SLC17A1: variants seen among roughly 807,000 people sequenced by gnomAD.
SLC17A1 encodes the protein solute carrier family 17 member 1.
A neutral mutation model predicts 53.5 loss-of-function variants in SLC17A1; 51 were observed. The observed-to-expected ratio is 0.95, with a 90% CI of 0.76 to 1.20. The LOEUF is 1.20. Among genes scored for constraint, SLC17A1 ranks in the 50% most tolerant of loss-of-function variants. SLC17A1 has a pLI of 0.00. For synonymous variants in SLC17A1, 179 were observed against 198.8 expected, an observed-to-expected ratio of 0.90 and a Z score of 0.84; for missense variants, 538 against 568.2, an observed-to-expected ratio of 0.95 and a Z score of 0.54.
chr6:25,754,461 A>AT, the SLC17A1 span, among the ~76,000 whole-genome samples: 1 of 152,180 alleles, frequency 6.6e-6, no homozygotes, highest in African/African-American at 2.4e-5. Context: ...CCAGAAGGGG[A>AT]TAGTGCTGTC....
chr6:25,752,330 A>G, the SLC17A1 span, among the ~76,000 whole-genome samples: 1 of 152,208 alleles, frequency 6.6e-6, no homozygotes, highest in African/African-American at 2.4e-5. Flanking sequence ...GAGAATCTGA[A>G]CATATCTAAA....
chr6:25,830,803 A>C (rs1013907868), intron 1 of SLC17A1, among the ~76,000 whole-genome samples, 196 bp from the exon 2 acceptor site: 3 of 152,234 alleles, frequency 2.0e-5, no homozygotes, highest in Non-Finnish European at 4.4e-5. Flanking sequence ...TTAAAAATAT[A>C]TGGAAGACCT....
chr6:25,745,601 T>C, the SLC17A1 span, among the ~76,000 whole-genome samples: 381 of 152,308 alleles, frequency 2.5e-3, 1 homozygote, highest in African/African-American at 8.1e-3. Context: ...CTAAAAAACA[T>C]AGAGAAAAAG....
chr6:25,733,896 C>T, the SLC17A1 span, among the ~76,000 whole-genome samples: 1 of 151,398 alleles, frequency 6.6e-6, no homozygotes, highest in Non-Finnish European at 1.5e-5. Context: ...CTCATTGCAA[C>T]CTCCACCTCC....
At chr6:25,778,594 C>T (rs1434156071), downstream of SLC17A1, among the ~76,000 whole-genome samples, 2 of 152,134 alleles carry the variant, frequency 1.3e-5, no homozygotes, top group Non-Finnish European at 2.9e-5. Flanking sequence ...GAATGAAACA[C>T]AATTCCTTCC....
At chr6:25,811,361 G>C (rs371535150) in intron 10 of SLC17A1, 37 bp downstream of exon 10, 10 of 1,564,768 alleles carry the variant, frequency 6.4e-6, no homozygotes, top group Non-Finnish European at 8.7e-6. Flanking sequence ...ATATTTATTT[G>C]TTAAAGGTTA....
At chr6:25,727,329 C>T in the SLC17A1 span, 7 of 1,531,364 alleles carry the variant, frequency 4.6e-6, no homozygotes, top group African/African-American at 9.7e-5. Context: ...CCCAAAGGCT[C>T]TTTTCAGAGC....
chr6:25,788,759 G>A (rs1289395688), intron 12 of SLC17A1, among the ~76,000 whole-genome samples: 2 of 152,202 alleles, frequency 1.3e-5, no homozygotes, highest in Non-Finnish European at 2.9e-5. Context: ...GAGGGGTGTA[G>A]GCCTGGGAAA....
the SLC17A1 span, among the ~76,000 whole-genome samples, chr6:25,747,455 G>A: frequency 8.5e-5 from 13 of 152,316 alleles, no homozygotes; most frequent in African/African-American, 3.1e-4. Context: ...ACTCTAGGAT[G>A]TCAGTAAATC....
In SLC17A1 at chr6:25,798,876, G is replaced by A. The variant is rs1051517672; in HGVS notation, c.1313C>T (p.Ala438Val). Residue 438 changes from alanine (A) to valine (V), a missense_variant, in exon 12 of 13, where the codon GCC becomes GTC. By Grantham distance (64) the Ala-to-Val change is moderately conservative (BLOSUM62 0). Coordinates refer to ENST00000244527, the MANE Select transcript of SLC17A1 (RefSeq NM_005074.5). ...GAAAATTAGGCCAGTCACATTAATGGCTGCCATCAGGATGAAGGTTTTAAA... is the reference window on the plus strand; with the variant it reads ...GAAAATTAGGCCAGTCACATTAATGACTGCCATCAGGATGAAGGTTTTAAA... ...AWFKTFILMA[A>V]INVTGLIFYL... 8 of 1,605,674 alleles carry A rather than the reference G, an allele frequency of 5.0e-6. No individual in the cohort carries two copies. The highest frequency in any genetic ancestry group is 6.8e-6 in the Non-Finnish European group (8 of 1,174,424).
the SLC17A1 span, among the ~76,000 whole-genome samples, chr6:25,745,841 G>C: frequency 3.9e-5 from 6 of 152,272 alleles, no homozygotes; most frequent in Admixed American, 3.3e-4. Flanking sequence ...GCATTTATTA[G>C]TTGTTTCTTT....
At chr6:25,814,008 A>C (rs1218942438) in intron 6 of SLC17A1, among the ~76,000 whole-genome samples, 2 of 152,192 alleles carry the variant, frequency 1.3e-5, no homozygotes, top group Non-Finnish European at 2.9e-5. Flanking sequence ...GGTTGACTCC[A>C]TGTCTTTGCT....
the SLC17A1 span, among the ~76,000 whole-genome samples, chr6:25,756,635 C>A: frequency 6.6e-6 from 1 of 152,176 alleles, no homozygotes; most frequent in Non-Finnish European, 1.5e-5. Context: ...TTAACGCCAG[C>A]AAAACCATTA....
chr6:25,776,889 G>A, the SLC17A1 span: 1 of 1,613,880 alleles, frequency 6.2e-7, no homozygotes, highest in Non-Finnish European at 8.5e-7. Flanking sequence ...GACCTTCTTG[G>A]TGCTGTCTTC....
At chr6:25,752,812 C>T in the SLC17A1 span, among the ~76,000 whole-genome samples, 8 of 151,890 alleles carry the variant, frequency 5.3e-5, no homozygotes, top group Non-Finnish European at 1.0e-4. Flanking sequence ...ATTAGCTGGG[C>T]GTGGTGGCAG....
downstream of SLC17A1, among the ~76,000 whole-genome samples, chr6:25,778,688 A>ATAGCAAATGCT (rs1342664210): frequency 6.6e-6 from 1 of 152,234 alleles, no homozygotes; most frequent in Non-Finnish European, 1.5e-5. Flanking sequence ...TAACAGGAGA[A>ATAGCAAATGCT]TAGCAAATGC....
chr6:25,750,012 A>G, the SLC17A1 span, among the ~76,000 whole-genome samples: 15 of 152,222 alleles, frequency 9.9e-5, no homozygotes, highest in Non-Finnish European at 2.1e-4. Context: ...CCACTAATTA[A>G]GGCTTCATCT....
the SLC17A1 span, among the ~76,000 whole-genome samples, chr6:25,772,566 A>G: frequency 3.3e-5 from 5 of 152,158 alleles, no homozygotes. Context: ...TAAATTCCCA[A>G]CTCTGTAATA....
chr6:25,759,294 T>A, the SLC17A1 span, among the ~76,000 whole-genome samples: 1 of 152,226 alleles, frequency 6.6e-6, no homozygotes, highest in Non-Finnish European at 1.5e-5. Flanking sequence ...TAGAGTGTTC[T>A]GTAAATATCT....
Sources: gnomAD v4.1 joint callset for allele counts (sites outside exome capture counted in the v4.1 genomes callset) on GRCh38, gnomAD v4.1.1 for gene constraint, MANE v1.5 for transcripts, NCBI Gene and HGNC (gene_info 2026-07-23, HGNC 2026-07-21) for gene names.